UQCC1: variants seen among roughly 807,000 people sequenced by gnomAD.
UQCC1 encodes the protein bFGF-repressed Zic-binding protein.
UQCC1 carries 38 observed loss-of-function variants against 48.0 expected under a neutral mutation model. The observed-to-expected ratio is 0.79, with a 90% CI of 0.61 to 1.04. The LOEUF (loss-of-function observed/expected upper bound fraction) is 1.04, where lower values mean the gene tolerates loss of function less well. UQCC1 is among the 50% of genes least tolerant of loss of function. The pLI, the probability that UQCC1 is intolerant of heterozygous loss-of-function variation, is 0.00. For synonymous variants in UQCC1, 111 were observed against 129.2 expected (o/e 0.86, Z 0.95); for missense variants, 368 against 381.8 (o/e 0.96, Z 0.30).
chr20:35,357,392 T>C (rs1045040512), intron 6 of UQCC1, among the ~76,000 whole-genome samples: 1 of 152,122 alleles, frequency 6.6e-6, no homozygotes, highest in Non-Finnish European at 1.5e-5. Context: ...TGGTGGCACA[T>C]GCCTGTAATC....
At chr20:35,406,072 G>A (rs1473872436) in intron 1 of UQCC1, among the ~76,000 whole-genome samples, 3 of 151,344 alleles carry the variant, frequency 2.0e-5, no homozygotes, top group African/African-American at 7.3e-5. Flanking sequence ...GCCTCAAAAT[G>A]AAAAGCAAAA....
At chr20:35,353,623 T>A (rs2146405730) in intron 6 of UQCC1, among the ~76,000 whole-genome samples, 1 of 151,968 alleles carries the variant, frequency 6.6e-6, no homozygotes, top group Non-Finnish European at 1.5e-5. Flanking sequence ...AGACCCCACC[T>A]CTACAAAAAA....
chr20:35,342,742 G>A (rs2061394528), intron 7 of UQCC1, among the ~76,000 whole-genome samples: 1 of 152,202 alleles, frequency 6.6e-6, no homozygotes, highest in Non-Finnish European at 1.5e-5. Context: ...ACCAGATGAG[G>A]TGATATAATG....
At chr20:35,360,774 T>C (rs571936321) in intron 6 of UQCC1, among the ~76,000 whole-genome samples, 33 of 152,202 alleles carry the variant, frequency 2.2e-4, no homozygotes, top group Non-Finnish European at 4.4e-4. Flanking sequence ...AGGACACAGA[T>C]AGTGAGCGCC....
At chr20:35,307,788 G>C (rs1359576528) in intron 8 of UQCC1, among the ~76,000 whole-genome samples, 1 of 152,212 alleles carries the variant, frequency 6.6e-6, no homozygotes, top group African/African-American at 2.4e-5. Context: ...TATTTGTTAA[G>C]TGTAATCTGT....
intron 1 of UQCC1, among the ~76,000 whole-genome samples, chr20:35,399,928 T>C (rs914849498): frequency 2.7e-5 from 4 of 145,618 alleles, no homozygotes; most frequent in African/African-American, 7.5e-5. Flanking sequence ...CTCAGTCCTT[T>C]TTTTTTTTTT....
intron 8 of UQCC1, among the ~76,000 whole-genome samples, chr20:35,311,869 T>C (rs1364268553): frequency 2.6e-5 from 4 of 152,184 alleles, no homozygotes; most frequent in East Asian, 1.9e-4. Flanking sequence ...AAAGTCACCT[T>C]CGGGTGACTT....
intron 4 of UQCC1, among the ~76,000 whole-genome samples, chr20:35,377,328 T>C (rs1242452425): frequency 6.6e-6 from 1 of 152,244 alleles, no homozygotes; most frequent in East Asian, 1.9e-4. Context: ...TTTAATTTTG[T>C]TAACACTTGC....
chr20:35,394,036 C>G (rs1370895332), intron 2 of UQCC1, 56 bp downstream of exon 2: 5 of 1,519,312 alleles, frequency 3.3e-6, no homozygotes, highest in Non-Finnish European at 4.6e-6. Flanking sequence ...AAATACATGA[C>G]ATTTGCACAT....
chr20:35,371,834 A>AC (rs1369512937), intron 5 of UQCC1, among the ~76,000 whole-genome samples: 1 of 151,772 alleles, frequency 6.6e-6, no homozygotes, highest in East Asian at 1.9e-4. Context: ...ACATAGTGAG[A>AC]CCCTGTCTCT....
intron 6 of UQCC1, among the ~76,000 whole-genome samples, chr20:35,351,941 G>A (rs554412104): frequency 1.3e-5 from 2 of 152,324 alleles, no homozygotes; most frequent in East Asian, 3.9e-4. Flanking sequence ...GATGCTGTGG[G>A]GATTATAGTG....
chr20:35,381,452 C>T (rs1165496970), intron 4 of UQCC1, among the ~76,000 whole-genome samples: 1 of 152,180 alleles, frequency 6.6e-6, no homozygotes, highest in East Asian at 1.9e-4. Context: ...TCTAAGGAAT[C>T]AGGTGGAGGG....
intron 6 of UQCC1, among the ~76,000 whole-genome samples, chr20:35,355,682 T>C (rs1417001128): frequency 6.6e-6 from 1 of 152,158 alleles, no homozygotes; most frequent in Non-Finnish European, 1.5e-5. Context: ...TACATGTACA[T>C]AGTAATAAAA....
intron 5 of UQCC1, among the ~76,000 whole-genome samples, chr20:35,372,021 A>G (rs1004577656): frequency 2.6e-5 from 4 of 152,138 alleles, no homozygotes; most frequent in South Asian, 2.1e-4. Context: ...CTTAAAAAAA[A>G]GAAAAAGAGG....
At chr20:35,309,879 A>G (rs1157024745) in intron 8 of UQCC1, among the ~76,000 whole-genome samples, 2 of 152,228 alleles carry the variant, frequency 1.3e-5, no homozygotes, top group African/African-American at 2.4e-5. Context: ...GGAACTTGCA[A>G]TCTAGCTGAA....
At chr20:35,368,310 G>T (rs554206558) in intron 5 of UQCC1, among the ~76,000 whole-genome samples, 28 of 152,190 alleles carry the variant, frequency 1.8e-4, no homozygotes, top group Middle Eastern at 3.4e-3. Flanking sequence ...TGTTCTACTG[G>T]GTTCTTTACA....
intron 8 of UQCC1, chr20:35,307,049 GGCAGTACTCC>G (rs1490872246): frequency 2.0e-6 from 1 of 499,162 alleles, no homozygotes; most frequent in African/African-American, 1.9e-5. Flanking sequence ...CTGGGACTCA[GGCAGTACTCC>G]GTACTGCGCC....
At chr20:35,404,166 G>A (rs1395114080) in intron 1 of UQCC1, among the ~76,000 whole-genome samples, 1 of 152,112 alleles carries the variant, frequency 6.6e-6, no homozygotes, top group Non-Finnish European at 1.5e-5. Context: ...CGGATCACGA[G>A]GTCAGGAGAT....
intron 8 of UQCC1, among the ~76,000 whole-genome samples, chr20:35,313,310 A>T (rs1215591799): frequency 2.2e-5 from 3 of 134,856 alleles, no homozygotes; most frequent in Non-Finnish European, 4.6e-5. Context: ...TGGGAGGTGG[A>T]GCTTGTGGTA....
Sources: gnomAD v4.1 joint callset for allele counts (sites outside exome capture counted in the v4.1 genomes callset) on GRCh38, gnomAD v4.1.1 for gene constraint, MANE v1.5 for transcripts, NCBI Gene and HGNC (gene_info 2026-07-23, HGNC 2026-07-21) for gene names.